NOP2: variants seen among roughly 807,000 people sequenced by gnomAD.
NOP2 encodes NOP2 nucleolar protein, also known as 28S rRNA (cytosine(4447)-C(5))-methyltransferase.
Under a neutral mutation model 72.7 loss-of-function variants are expected in NOP2, and 7 were observed. The observed-to-expected ratio is 0.10, with a 90% CI of 0.05 to 0.18. NOP2 has a LOEUF of 0.18. NOP2 is among the 10% of genes least tolerant of loss of function. The probability of loss-of-function intolerance (pLI) is 1.00; values close to 1 mark genes in which losing one functional copy is unlikely to be tolerated. For synonymous variants in NOP2, 387 were observed against 388.0 expected, an observed-to-expected ratio of 1.00 and a Z score of 0.03; for missense variants, 954 against 1,014.7, an observed-to-expected ratio of 0.94 and a Z score of 0.81.
intron 15 of NOP2, chr12:6,558,282 T>C: frequency 3.7e-6 from 1 of 271,094 alleles, no homozygotes; most frequent in South Asian, 2.9e-5. Flanking sequence ...GTTTTTTTTT[T>C]CTTTTTTTGA....
rs773396555 is a variant in NOP2, at chr12:6,567,867, C to A, written c.52G>T (p.Ala18Ser). 3 of 1,614,080 alleles carry A rather than the reference C, an allele frequency of 1.9e-6. No individual in the cohort carries two copies. Among genetic ancestry groups the A allele is most frequent in the East Asian group, 4.5e-5 (2 of 44,888 alleles). Reference sequence around the variant, plus strand: ...GTCTCGGCACCCTTCTGCTTCCGGGCCTTTCGGCCTGGCCCCCGCTTCTCC... The same window carrying A: ...GTCTCGGCACCCTTCTGCTTCCGGGACTTTCGGCCTGGCCCCCGCTTCTCC... ...TKEKRGPGRKARKQKGAETEL... is the reference protein window; with the variant it reads ...TKEKRGPGRKSRKQKGAETEL... The change falls in exon 2 of 16, where the codon GCC (alanine) becomes TCC (serine). Residue 18 changes from alanine to serine, a missense_variant. Physicochemically the swap from Ala to Ser is moderately conservative, Grantham distance 99 (BLOSUM62 1). Coordinates refer to ENST00000322166, the MANE Select transcript of NOP2 (RefSeq NM_001258308.2).
chr12:6,563,963 G>A lies in NOP2; in HGVS notation c.475-17C>T. On this transcript the variant is annotated splice_polypyrimidine_tract_variant and intron_variant, in intron 5 of 15. Coordinates refer to ENST00000322166, the MANE Select transcript of NOP2 (RefSeq NM_001258308.2). ...GGGCAGCAACTGAAGAGAGACAAGG[G>A]CTATTAATACAGGCCTGCCCTTCCA... The A allele has an allele frequency of 1.2e-6, 2 of 1,611,760 alleles. No homozygotes were observed. Among genetic ancestry groups the A allele is most frequent in the Non-Finnish European group, 8.5e-7 (1 of 1,178,970 alleles).
At position 6,563,191 on chromosome 12, in the gene NOP2, G is replaced by A. The variant is rs778465705; in HGVS notation, c.889-21C>T. 8 of 1,570,532 alleles carry A rather than the reference G, an allele frequency of 5.1e-6. No individual in the cohort carries two copies. In the African/African-American group the frequency reaches 5.4e-5, roughly 11 times the overall value. ...ACCAGCTGCGGGGCAAGACAGCAGG[G>A]AATAAGTGAGGCTGGCTAAGGAGCT... On this transcript the variant is annotated intron_variant, in intron 8 of 15. Transcript: ENST00000322166.
intron 3 of NOP2, 66 bp from the exon 4 acceptor site, chr12:6,566,683 C>T (rs1268879137): frequency 8.2e-6 from 13 of 1,593,028 alleles, no homozygotes; most frequent in African/African-American, 1.3e-5. Context: ...CTGCCATTTC[C>T]ACCATAGGGA....
At chr12:6,566,014 T>A in intron 5 of NOP2, 87 bp downstream of exon 5, 1 of 1,154,770 alleles carries the variant, frequency 8.7e-7, no homozygotes, top group Non-Finnish European at 1.3e-6. Flanking sequence ...AGGCTTATCC[T>A]TGCCACTAAG....
intron 5 of NOP2, 69 bp from the exon 6 acceptor site, chr12:6,564,015 A>G (rs564658886): frequency 2.1e-4 from 331 of 1,564,548 alleles, no homozygotes; most frequent in Non-Finnish European, 2.7e-4. Context: ...TTCTATCTCT[A>G]TATCTTATTT....
At chr12:6,557,792 A>G in intron 15 of NOP2, 150 bp from the exon 16 acceptor site, 1 of 838,018 alleles carries the variant, frequency 1.2e-6, no homozygotes, top group Non-Finnish European at 1.8e-6. Flanking sequence ...CTAAATTCCC[A>G]TTACTTAATA....
Position 6,560,301 on chromosome 12 carries a change from T to G in NOP2, c.1586A>C (p.Asp529Ala). ...CACATTCCTCTTTTTCAGAGCATAG[T>G]CTACCACCCACTCATTCTCTTCTAC... is the stretch of plus-strand genomic sequence containing the variant. ...ITVEENEWVV[D>A]YALKKRNVRL... The change falls in exon 15 of 16, where the codon GAC (aspartate) becomes GCC (alanine). Residue 529 changes from aspartate to alanine, a missense_variant. By Grantham distance (126) the Asp-to-Ala change is moderately radical. Transcript: ENST00000322166. The surrounding 1 kb of genome is among the most constrained non-coding windows in gnomAD (Gnocchi z 5.0). 6.2e-7 allele frequency: 1 copy of G among 1,613,892 alleles called. No individual in the cohort carries two copies.
In NOP2 at chr12:6,563,637, G is replaced by A. The variant is rs749124800; in HGVS notation, c.665C>T (p.Pro222Leu). ...ATCCTGCTCCATCTCCCCAGCAGGG[G>A]GCAGCACAAATGGTTCCTCATCCAC... ...INVDEEPFVLPPAGEMEQDAQ... is the reference protein window; with the variant it reads ...INVDEEPFVLLPAGEMEQDAQ... The change falls in exon 7 of 16, where the codon CCC becomes CTC. Residue 222 changes from proline (P) to leucine (L), a missense_variant. Transcript: ENST00000322166. The A allele has an allele frequency of 1.2e-5, 20 of 1,612,748 alleles. No individual in the cohort carries two copies. Among genetic ancestry groups the A allele is most frequent in the Non-Finnish European group, 1.7e-5 (20 of 1,179,390 alleles).
At chr12:6,563,549 A>C (rs1469055706) in intron 7 of NOP2, 35 bp from the exon 8 acceptor site, 1 of 1,609,924 alleles carries the variant, frequency 6.2e-7, no homozygotes, top group African/African-American at 1.3e-5. Context: ...ATGATGTCCT[A>C]AGGCCTGGAA....
chr12:6,561,795 G>C lies in NOP2; in HGVS notation c.1076C>G (p.Pro359Arg). The change falls in exon 11 of 16, where the codon CCC becomes CGC. Residue 359 changes from proline to arginine, a missense_variant. By Grantham distance (103) the Pro-to-Arg change is moderately radical. Coordinates refer to ENST00000322166, the MANE Select transcript of NOP2 (RefSeq NM_001258308.2). ...YDSSVPIGAT[P>R]EYLAGHYMLQ... The stretch of plus-strand genomic sequence containing the variant: ...CATGTAGTGCCCAGCCAGGTACTCG[G>C]GGGTAGCACCTGTGGAGAAGGACCA... 1 of 1,609,918 alleles carries C rather than the reference G, an allele frequency of 6.2e-7. No homozygotes were observed. The highest frequency in any genetic ancestry group is 8.5e-7 in the Non-Finnish European group (1 of 1,178,116).
intron 11 of NOP2, among the ~76,000 whole-genome samples, chr12:6,561,378 C>T (rs1947645980): frequency 6.6e-6 from 1 of 152,204 alleles, no homozygotes; most frequent in African/African-American, 2.4e-5. Context: ...CTGCCAAGGA[C>T]TTCTAAACGC....
At chr12:6,565,215 A>G (rs963872874) in intron 5 of NOP2, among the ~76,000 whole-genome samples, 2 of 149,376 alleles carry the variant, frequency 1.3e-5, no homozygotes. Flanking sequence ...GTGCAGTGGT[A>G]AGATCACAGC....
Position 6,567,942 on chromosome 12 carries a change from G to C in NOP2, c.-4-20C>G, listed in dbSNP as rs548174753. On this transcript the variant is annotated intron_variant, in intron 1 of 15. Coordinates refer to ENST00000322166, the MANE Select transcript of NOP2 (RefSeq NM_001258308.2). ...ATGGTACTGTGGCAGGCAGAAATGG[G>C]AGAAGGTGGCGTCGCGCGTGTCGGA... 1 of 1,594,530 alleles carries C rather than the reference G, an allele frequency of 6.3e-7. No homozygotes were observed. The highest frequency in any genetic ancestry group is 1.3e-5 in the African/African-American group (1 of 74,516).
chr12:6,566,364 T>C (rs371244801), intron 4 of NOP2, 28 bp from the exon 5 acceptor site: 31 of 1,580,928 alleles, frequency 2.0e-5, no homozygotes, highest in Non-Finnish European at 2.5e-5. Context: ...CCTGGACTAA[T>C]GGCAGCCACA....
rs1947842044 is a variant in NOP2 at position 6,568,241 on chromosome 12, G to C, written c.-39C>G. The C allele has an allele frequency of 3.7e-6, 1 of 266,974 alleles. No homozygotes were observed. The highest frequency in any genetic ancestry group is 2.3e-5 in the African/African-American group (1 of 44,400). 16.5% of individuals were successfully genotyped at this position (266,974 alleles called of 1,614,324 possible). A position where few individuals can be genotyped will look rare whatever the true frequency, so the allele number is the denominator to read the frequency against. ...GGTTAATGTCCGAGAGTGCCCTTCG[G>C]GCGGCCCTCCACGTGCAATCCGGAC... is the stretch of plus-strand genomic sequence containing the variant. On this transcript the variant is annotated 5_prime_UTR_variant, in exon 1 of 16. Transcript: ENST00000322166.
chr12:6,557,799 A>C (rs1031113666), intron 15 of NOP2, among the ~76,000 whole-genome samples, 157 bp from the exon 16 acceptor site: 3 of 152,162 alleles, frequency 2.0e-5, no homozygotes, highest in Admixed American at 1.3e-4. Context: ...CCCATTACTT[A>C]ATATAACTTG....
chr12:6,564,669 T>C (rs1445688473), intron 5 of NOP2, among the ~76,000 whole-genome samples: 3 of 151,896 alleles, frequency 2.0e-5, no homozygotes, highest in Non-Finnish European at 4.4e-5. Context: ...CCTCAGGTGA[T>C]CCGCCCACCT....
chr12:6,561,275 T>C (rs1011629350), intron 11 of NOP2, among the ~76,000 whole-genome samples: 2 of 152,234 alleles, frequency 1.3e-5, no homozygotes, highest in Non-Finnish European at 2.9e-5. Flanking sequence ...TTCCCATTTT[T>C]ACCAAACACC....
Sources: allele counts gnomAD v4.1 joint callset (sites outside exome capture counted in the v4.1 genomes callset), GRCh38; gene constraint gnomAD v4.1.1; non-coding constraint Gnocchi (gnomAD v3.1); transcripts MANE v1.5; gene names NCBI Gene and HGNC (gene_info 2026-07-23, HGNC 2026-07-21).